EYA4: variants seen among roughly 807,000 people sequenced by gnomAD.
EYA4 encodes the protein EYA transcriptional coactivator and phosphatase 4.
In EYA4, 31 loss-of-function variants were observed where a neutral mutation model predicts 87.9. The observed-to-expected ratio is 0.35, with a 90% CI of 0.27 to 0.48. The LOEUF (loss-of-function observed/expected upper bound fraction) is 0.48, where lower values mean the gene tolerates loss of function less well. Ranked by LOEUF, EYA4 falls within the 20% of genes least tolerant of loss-of-function variation. EYA4 has a pLI of 0.99. For missense variants in EYA4, 678 were observed against 761.4 expected (o/e 0.89, Z 1.29); for synonymous variants, 263 against 270.6 (o/e 0.97, Z 0.28).
intron 2 of EYA4, among the ~76,000 whole-genome samples, chr6:133,324,845 C>A (rs1355691005): frequency 2.0e-5 from 3 of 147,384 alleles, no homozygotes; most frequent in African/African-American, 7.6e-5. Context: ...TAAATCCAGT[C>A]TTTTCTTTCA....
chr6:133,454,217 T>C (rs990884320), intron 5 of EYA4, among the ~76,000 whole-genome samples: 4 of 152,206 alleles, frequency 2.6e-5, no homozygotes, highest in Admixed American at 2.0e-4. Flanking sequence ...GATATAGATA[T>C]GCATAAATAG....
intron 13 of EYA4, among the ~76,000 whole-genome samples, chr6:133,484,595 T>C (rs189560130): frequency 5.3e-5 from 8 of 152,338 alleles, no homozygotes; most frequent in Admixed American, 4.6e-4. Context: ...ACACTCAATA[T>C]CCTACTACTG....
chr6:133,526,912 G>A (rs1800685648), intron 19 of EYA4, among the ~76,000 whole-genome samples: 2 of 152,114 alleles, frequency 1.3e-5, no homozygotes, highest in Admixed American at 6.6e-5. Context: ...CGTATATTTA[G>A]GTAAGGACTA....
intron 13 of EYA4, among the ~76,000 whole-genome samples, chr6:133,497,066 G>A (rs114800462): frequency 0.028 from 4,298 of 152,134 alleles, 201 homozygotes; most frequent in African/African-American, 0.097. Flanking sequence ...GTTACTGTGC[G>A]CCTGGCCCTT....
intron 2 of EYA4, among the ~76,000 whole-genome samples, chr6:133,280,910 C>T (rs556916420): frequency 6.6e-6 from 1 of 152,134 alleles, no homozygotes; most frequent in South Asian, 2.1e-4. Flanking sequence ...AGCACCAATC[C>T]ACTTCCTATC....
At chr6:133,282,911 G>C (rs1362869095) in intron 2 of EYA4, among the ~76,000 whole-genome samples, 1 of 152,148 alleles carries the variant, frequency 6.6e-6, no homozygotes, top group East Asian at 1.9e-4. Flanking sequence ...ATAAATAAGA[G>C]CTATGATATC....
intron 3 of EYA4, among the ~76,000 whole-genome samples, chr6:133,443,961 A>G (rs1447102823): frequency 6.6e-6 from 1 of 152,204 alleles, no homozygotes; most frequent in Non-Finnish European, 1.5e-5. Flanking sequence ...CTCTTGATAG[A>G]TGTTCCATGT....
At chr6:133,245,068 T>C (rs1328996698) in intron 1 of EYA4, 2 of 152,202 alleles carry the variant, frequency 1.3e-5, no homozygotes, top group Admixed American at 1.3e-4. Flanking sequence ...GTATGTATTA[T>C]GCTTTCTCAT....
upstream of EYA4, among the ~76,000 whole-genome samples, chr6:133,241,156 C>T (rs1160952709): frequency 1.3e-5 from 2 of 152,182 alleles, no homozygotes; most frequent in East Asian, 3.9e-4. Flanking sequence ...TGACAATAGG[C>T]AGTCACCCGA....
At chr6:133,401,279 G>A (rs931260768) in intron 3 of EYA4, among the ~76,000 whole-genome samples, 18 of 152,110 alleles carry the variant, frequency 1.2e-4, no homozygotes, top group Non-Finnish European at 2.2e-4. Flanking sequence ...AAAGATTTTG[G>A]TTAATGGGTA....
chr6:133,486,538 C>A (rs1796699746), intron 13 of EYA4, among the ~76,000 whole-genome samples: 1 of 149,618 alleles, frequency 6.7e-6, no homozygotes, highest in African/African-American at 2.5e-5. Context: ...GCTTACAAAC[C>A]AAACAAAAAA....
intron 17 of EYA4, among the ~76,000 whole-genome samples, chr6:133,517,656 G>T (rs112312365): frequency 6.6e-6 from 1 of 152,194 alleles, no homozygotes; most frequent in Non-Finnish European, 1.5e-5. Context: ...AATGGAGAGC[G>T]GAGGGGAAGT....
chr6:133,456,932 TTTAA>T lies in EYA4; in HGVS notation c.370+291_370+294del, dbSNP rs367903875. On this transcript the variant is annotated intron_variant, in intron 6 of 19. Transcript: ENST00000355286. ...TCCTTCAAAATTATTTTATACGATG[TTTAA>T]TTAATTTAATAATTAAGTTGTAGTA... is the stretch of plus-strand genomic sequence containing the variant. Among the ~76,000 whole-genome samples the T allele has an allele frequency of 1.0e-3, 154 of 152,316 alleles. 4 individuals are homozygous for T. In the East Asian group the frequency reaches 0.027, roughly 27 times the overall value.
intron 1 of EYA4, chr6:133,248,688 G>T (rs1390946313): frequency 6.6e-6 from 1 of 152,152 alleles, no homozygotes; most frequent in Non-Finnish European, 1.5e-5. Context: ...GAATGCAAAT[G>T]TATATTCATG....
intron 3 of EYA4, among the ~76,000 whole-genome samples, chr6:133,424,616 C>T (rs1295626845): frequency 6.6e-6 from 1 of 152,114 alleles, no homozygotes; most frequent in African/African-American, 2.4e-5. Flanking sequence ...ACAGCTGCAC[C>T]CAGAAGCTCC....
chr6:133,336,859 A>AT lies in EYA4; in HGVS notation c.34-45526dup, dbSNP rs200277927. On this transcript the variant is annotated intron_variant, in intron 2 of 19. Coordinates refer to ENST00000355286, the MANE Select transcript of EYA4 (RefSeq NM_004100.5). Reference sequence around the variant, plus strand: ...AAGTGTTCATTGTACTAATCTTTCAATTTTTTTGCATCTATGAAAATTTTT... The same window carrying AT: ...AAGTGTTCATTGTACTAATCTTTCAATTTTTTTTGCATCTATGAAAATTTTT... 3.4e-3 allele frequency among the ~76,000 whole-genome samples: 521 copies of AT among 152,238 alleles called. 1 individual carries two copies. The highest frequency in any genetic ancestry group is 0.02 in the Middle Eastern group (6 of 294).
At chr6:133,419,732 A>G (rs1451504945) in intron 3 of EYA4, among the ~76,000 whole-genome samples, 4 of 152,194 alleles carry the variant, frequency 2.6e-5, no homozygotes, top group African/African-American at 9.7e-5. Context: ...CAATTAAAAA[A>G]CAGTGCAACA....
rs569485593 is a variant in EYA4, at chr6:133,274,665, A to G, written c.-65-51A>G. ...TTGATATGTTTTTGTAACCTTACAA[A>G]TGAATATAAAGATAACATTTTTCCC... On this transcript the variant is annotated intron_variant, in intron 1 of 19. Transcript: ENST00000355286. The G allele has an allele frequency of 3.0e-4, 256 of 864,888 alleles. 1 individual carries two copies. In the East Asian group the frequency reaches 6.1e-3, roughly 20 times the overall value. The allele number at this position is 864,888 out of a possible 1,614,324, so 53.6% of individuals were successfully genotyped here. A position where few individuals can be genotyped will look rare whatever the true frequency, so the allele number is the denominator to read the frequency against.
chr6:133,476,159 T>G (rs1465810664), intron 11 of EYA4, among the ~76,000 whole-genome samples: 2 of 152,138 alleles, frequency 1.3e-5, no homozygotes, highest in African/African-American at 4.8e-5. Flanking sequence ...TCTATTTTTG[T>G]GTATAACCCA....
Sources: allele counts gnomAD v4.1 joint callset (sites outside exome capture counted in the v4.1 genomes callset), GRCh38; gene constraint gnomAD v4.1.1; transcripts MANE v1.5; gene names NCBI Gene and HGNC (gene_info 2026-07-23, HGNC 2026-07-21).